The following RTL9 variants were observed in gnomAD, a reference collection of about 807,000 sequenced individuals.
RTL9 encodes the protein retrotransposon Gag-like protein 9.
In RTL9, 19 loss-of-function variants were observed where a neutral mutation model predicts 44.7. The ratio of observed to expected loss-of-function variants is 0.42; its 90% CI spans 0.30 to 0.62. RTL9 has a LOEUF of 0.62. RTL9 is among the 20% of genes least tolerant of loss of function. RTL9 has a pLI of 0.16. For synonymous variants in RTL9, 407 were observed against 398.9 expected (o/e 1.02, Z -0.24); for missense variants, 1,105 against 1,080.6 (o/e 1.02, Z -0.32).
rs2068955946 is a variant in RTL9, at chrX:110,453,095, A to G, written c.2478A>G (p.Thr826=). The change falls in exon 1 of 2, where the codon ACA becomes ACG. Residue 826 remains threonine (T), a synonymous_variant. Coordinates refer to ENST00000540313, the Ensembl canonical transcript of RTL9. ...TGTCTGCTCCACAAATGACAGCCAC[A>G]GCCTCTGGAATGATGTCATCCATGC... 3.3e-6 allele frequency: 4 copies of G among 1,211,445 alleles called. No individual in the cohort carries two copies. The East Asian group carries it at 1.2e-4, about 36-fold the overall frequency.
At chrX:110,432,589 T>C (rs1370100770) in intron 1 of RTL9, among the ~76,000 whole-genome samples, 2 of 112,243 alleles carry the variant, frequency 1.8e-5, no homozygotes, top group Non-Finnish European at 3.8e-5. Context: ...TATTTTTCAC[T>C]GTATTGTGTG....
At chrX:110,429,106 T>A (rs2068776141) in intron 1 of RTL9, among the ~76,000 whole-genome samples, 1 of 112,186 alleles carries the variant, frequency 8.9e-6, no homozygotes, top group Non-Finnish European at 1.9e-5. Context: ...AATTGCTCAA[T>A]TCTCATCTCC....
upstream of RTL9, among the ~76,000 whole-genome samples, chrX:110,450,294 A>C (rs1386716616): frequency 9.0e-6 from 1 of 111,344 alleles, no homozygotes; most frequent in Non-Finnish European, 1.9e-5. Context: ...TTGAGTCAGG[A>C]CTGCCCAGGC....
rs148264633 is a variant in RTL9, at chrX:110,407,576, C to T, written c.-167-37577C>T. On this transcript the variant is annotated intron_variant, in intron 1 of 2. Transcript: ENST00000520821. ...TTTTCCAGGTGAGCAAACTGCAGCT[C>T]AGAGAGTCTAAGTGAATTTCTTTGT... Among the ~76,000 whole-genome samples, 405 of 112,316 alleles carry T rather than the reference C, an allele frequency of 3.6e-3. 1 individual carries two copies. Among genetic ancestry groups the T allele is most frequent in the South Asian group, 7.9e-3 (21 of 2,675 alleles).
chrX:110,387,724 T>C (rs1345425877), intron 1 of RTL9, among the ~76,000 whole-genome samples: 5 of 111,869 alleles, frequency 4.5e-5, no homozygotes, highest in Non-Finnish European at 1.9e-5. Context: ...TCTCTACTTC[T>C]CAACGGAATG....
chrX:110,369,611 C>G (rs185137609), intron 1 of RTL9, among the ~76,000 whole-genome samples: 46 of 111,129 alleles, frequency 4.1e-4, no homozygotes, highest in African/African-American at 1.5e-3. Context: ...TCATCACACT[C>G]AAGGTAAAAG....
Position 110,450,715 on chromosome X carries a change from C to A in RTL9, c.98C>A (p.Thr33Lys), listed in dbSNP as rs1388098365. The A allele has an allele frequency of 5.8e-6, 7 of 1,210,772 alleles. No homozygotes were observed. Among genetic ancestry groups the A allele is most frequent in the South Asian group, 5.3e-5 (3 of 56,944 alleles). ...CAGATGGCCTTCTGTAGACCAATGACAGAGACCAGAGCAGACGTACAGATT... is the reference window on the plus strand; with the variant it reads ...CAGATGGCCTTCTGTAGACCAATGAAAGAGACCAGAGCAGACGTACAGATT... Residue 33 changes from threonine to lysine, a missense_variant, in exon 1 of 2, where the codon ACA becomes AAA. Thr to Lys is a moderately conservative substitution (Grantham distance 78). Coordinates refer to ENST00000540313, the Ensembl canonical transcript of RTL9.
intron 1 of RTL9, chrX:110,419,214 C>T (rs1229225829): frequency 8.9e-6 from 1 of 112,393 alleles, no homozygotes; most frequent in Non-Finnish European, 1.9e-5. Flanking sequence ...CTTTACCTCC[C>T]TCCTAGGGCT....
chrX:110,363,524 C>T (rs1300221006), intron 1 of RTL9, among the ~76,000 whole-genome samples: 1 of 111,999 alleles, frequency 8.9e-6, no homozygotes, highest in Non-Finnish European at 1.9e-5. Flanking sequence ...CTTGGAAATG[C>T]TATGGCTGGG....
chrX:110,403,620 C>T (rs1413739307), intron 1 of RTL9, among the ~76,000 whole-genome samples: 2 of 111,901 alleles, frequency 1.8e-5, no homozygotes, highest in Non-Finnish European at 3.8e-5. Context: ...GCCAGACTCC[C>T]CTTACCCAGA....
At chrX:110,416,795 C>T (rs761080718), upstream of RTL9, among the ~76,000 whole-genome samples, 14 of 112,265 alleles carry the variant, frequency 1.2e-4, no homozygotes, top group African/African-American at 4.2e-4. Context: ...GCAAGACTAG[C>T]TTAGAGGCAA....
chrX:110,455,331 G>A (rs2068974396), exon 2 of RTL9: 1 of 1,205,598 alleles, frequency 8.3e-7, no homozygotes, highest in Non-Finnish European at 1.1e-6. Context: ...AAACTCCATG[G>A]AATCTTCTCC....
intron 1 of RTL9, among the ~76,000 whole-genome samples, chrX:110,387,100 C>T (rs1486493766): frequency 1.8e-5 from 2 of 111,779 alleles, no homozygotes. Context: ...AATTAACTAC[C>T]GCCATGCCTG....
intron 1 of RTL9, among the ~76,000 whole-genome samples, chrX:110,423,361 G>A (rs1394839194): frequency 1.8e-5 from 2 of 110,209 alleles, no homozygotes; most frequent in African/African-American, 6.6e-5. Flanking sequence ...AAAGAAAGAG[G>A]AAGGAGAAGG....
intron 1 of RTL9, among the ~76,000 whole-genome samples, chrX:110,428,913 C>T (rs922682735): frequency 6.2e-5 from 7 of 112,284 alleles, no homozygotes. Flanking sequence ...ACTTCAGGGT[C>T]CGATGCGACG....
At chrX:110,404,451 G>A (rs1245281976) in intron 1 of RTL9, among the ~76,000 whole-genome samples, 3 of 111,673 alleles carry the variant, frequency 2.7e-5, no homozygotes, top group Non-Finnish European at 5.6e-5. Flanking sequence ...AAATACACTC[G>A]CAGGACAAAC....
At chrX:110,434,223 G>T (rs2068819357) in intron 1 of RTL9, among the ~76,000 whole-genome samples, 1 of 111,906 alleles carries the variant, frequency 8.9e-6, no homozygotes, top group South Asian at 3.8e-4. Flanking sequence ...CAGGAGGGGA[G>T]TGGACGAGTA....
intron 1 of RTL9, among the ~76,000 whole-genome samples, chrX:110,423,446 C>G (rs1295845443): frequency 8.9e-6 from 1 of 112,061 alleles, no homozygotes; most frequent in Non-Finnish European, 1.9e-5. Flanking sequence ...CATGACTTCT[C>G]TGCTAGGGTT....
chrX:110,421,607 C>A (rs888838363), intron 1 of RTL9, among the ~76,000 whole-genome samples: 1 of 112,796 alleles, frequency 8.9e-6, no homozygotes, highest in African/African-American at 3.2e-5. Flanking sequence ...TATTTCCACA[C>A]AAGGCAATGA....
Sources: allele counts gnomAD v4.1 joint callset (sites outside exome capture counted in the v4.1 genomes callset), GRCh38; gene constraint gnomAD v4.1.1; transcripts MANE v1.5; gene names NCBI Gene and HGNC (gene_info 2026-07-23, HGNC 2026-07-21).